Variants in GGA2 observed in about 807,000 individuals in gnomAD.
The protein encoded by GGA2 is golgi associated, gamma adaptin ear containing, ARF binding protein 2.
GGA2 carries 48 observed loss-of-function variants against 79.5 expected under a neutral mutation model. That is an observed-to-expected ratio of 0.60 (90% CI 0.48 to 0.77). The LOEUF is 0.77. Among genes scored for constraint, GGA2 ranks in the 30% least tolerant of loss-of-function variants. The pLI is 0.00. For synonymous variants in GGA2, 317 were observed against 302.0 expected, an observed-to-expected ratio of 1.05 and a Z score of -0.51; for missense variants, 770 against 774.0, an observed-to-expected ratio of 0.99 and a Z score of 0.06.
intron 4 of GGA2, 25 bp downstream of exon 4, chr16:23,493,335 A>C (rs1215865163): frequency 7.3e-7 from 1 of 1,367,470 alleles, no homozygotes; most frequent in Non-Finnish European, 1.0e-6. Flanking sequence ...CGACACAGTC[A>C]GCAGAGCCAA....
intron 13 of GGA2, among the ~76,000 whole-genome samples, chr16:23,475,999 G>A (rs1288360343): frequency 1.3e-5 from 2 of 152,018 alleles, no homozygotes; most frequent in East Asian, 3.9e-4. Context: ...ATAACCTAGA[G>A]CCTTTGTTAT....
chr16:23,483,561 T>C (rs1964675600), intron 8 of GGA2, among the ~76,000 whole-genome samples: 2 of 151,870 alleles, frequency 1.3e-5, no homozygotes, highest in Non-Finnish European at 2.9e-5. Context: ...CAGAAGGAGG[T>C]GGAGAACAGA....
chr16:23,464,345 G>A lies in GGA2; in HGVS notation c.*3245C>T, dbSNP rs1193101607. 1 of 152,154 alleles carries A rather than the reference G, an allele frequency of 6.6e-6. No homozygotes were observed. The highest frequency in any genetic ancestry group is 1.5e-5 in the Non-Finnish European group (1 of 68,024). 9.4% of individuals were successfully genotyped at this position (152,154 alleles called of 1,614,324 possible). A position where few individuals can be genotyped will look rare whatever the true frequency, so the allele number is the denominator to read the frequency against. ...TATCAGGGCTTGAAAGGACTTTATT[G>A]TGGCTGTGGTGAAGCAGGCCCTGGT... is the stretch of plus-strand genomic sequence containing the variant. On this transcript the variant is annotated 3_prime_UTR_variant, in exon 17 of 17. Coordinates refer to ENST00000309859, the MANE Select transcript of GGA2 (RefSeq NM_015044.4).
rs373744085 is a variant in GGA2, at chr16:23,481,511, G to T, written c.881-741C>A. On this transcript the variant is annotated intron_variant, in intron 9 of 16. Coordinates refer to ENST00000309859, the MANE Select transcript of GGA2 (RefSeq NM_015044.4). ...AAAAAGGCTGTGTGTGGTGGTTCAC[G>T]CCTGTAATCCCAGCACTTTGGGAAG... 4.7e-4 allele frequency among the ~76,000 whole-genome samples: 72 copies of T among 152,322 alleles called. No homozygotes were observed. The South Asian group carries it at 0.012, about 25-fold the overall frequency.
At chr16:23,469,317 G>A (rs1443571450) in intron 15 of GGA2, 2 of 262,810 alleles carry the variant, frequency 7.6e-6, no homozygotes, top group Non-Finnish European at 1.5e-5. Context: ...CTGTGACCTT[G>A]AGTAAAATAT....
At chr16:23,524,215 A>C, upstream of GGA2, 1 of 702,744 alleles carries the variant, frequency 1.4e-6, no homozygotes, top group Non-Finnish European at 2.5e-6. Context: ...CCTGTGGTGG[A>C]TCACAAATGC....
intron 8 of GGA2, 61 bp downstream of exon 8, chr16:23,485,954 G>A (rs1964706102): frequency 1.3e-6 from 2 of 1,500,520 alleles, no homozygotes; most frequent in East Asian, 4.5e-5. Flanking sequence ...GCAAACAGGT[G>A]AAAGCATTTC....
chr16:23,481,429 G>C (rs983495440), intron 9 of GGA2, among the ~76,000 whole-genome samples: 1 of 152,080 alleles, frequency 6.6e-6, no homozygotes, highest in African/African-American at 2.4e-5. Flanking sequence ...GGGATGCCAC[G>C]AGCAAAACTG....
chr16:23,516,331 G>C (rs968060482), intron 2 of GGA2, among the ~76,000 whole-genome samples: 1 of 152,028 alleles, frequency 6.6e-6, no homozygotes, highest in Admixed American at 6.6e-5. Context: ...TCTATAATTT[G>C]GTGAGGCACT....
At position 23,465,451 on chromosome 16, in the gene GGA2, C is replaced by T; in HGVS notation, c.*2139G>A. 1.4e-6 allele frequency: 1 copy of T among 702,174 alleles called. No individual in the cohort carries two copies. Among genetic ancestry groups the T allele is most frequent in the South Asian group, 1.5e-5 (1 of 67,468 alleles). The allele number at this position is 702,174 out of a possible 1,614,324, so 43.5% of individuals were successfully genotyped here. A position where few individuals can be genotyped will look rare whatever the true frequency, so the allele number is the denominator to read the frequency against. ...TGTCCAACACCTAAGCATAGTAGTACCACTGGGAGTCTGTCTCCTCAAAAG... is the reference window on the plus strand; with the variant it reads ...TGTCCAACACCTAAGCATAGTAGTATCACTGGGAGTCTGTCTCCTCAAAAG... On this transcript the variant is annotated 3_prime_UTR_variant, in exon 17 of 17. Coordinates refer to ENST00000309859, the MANE Select transcript of GGA2 (RefSeq NM_015044.4).
chr16:23,520,253 C>CAAAA (rs3071381), intron 1 of GGA2, among the ~76,000 whole-genome samples: 22 of 114,312 alleles, frequency 1.9e-4, no homozygotes, highest in Admixed American at 3.1e-4. Flanking sequence ...AACTACGTCT[C>CAAAA]AAAAAAAAAA....
chr16:23,514,634 T>C (rs1965093076), upstream of GGA2, among the ~76,000 whole-genome samples: 1 of 152,034 alleles, frequency 6.6e-6, no homozygotes, highest in Admixed American at 6.6e-5. Flanking sequence ...TTTAGTTTTG[T>C]AGAGATAAGG....
chr16:23,519,472 T>C (rs984148381), intron 2 of GGA2: 3 of 229,814 alleles, frequency 1.3e-5, no homozygotes, highest in Non-Finnish European at 1.9e-5. Context: ...CCACAGCTGA[T>C]TGGACCAGGG....
chr16:23,465,033 A>ACTGG lies in GGA2; in HGVS notation c.*2553_*2556dup, dbSNP rs1387933451. On this transcript the variant is annotated 3_prime_UTR_variant, in exon 17 of 17. Transcript: ENST00000309859. ...ACAGGACCCCCGAAGAGTTCAAGAT[A>ACTGG]CTGGAAAGCACTGGCCATGAGTGCC... The ACTGG allele has an allele frequency of 2.3e-6, 1 of 439,048 alleles. No homozygotes were observed. Among genetic ancestry groups the ACTGG allele is most frequent in the African/African-American group, 2.0e-5 (1 of 50,962 alleles). The allele number at this position is 439,048 out of a possible 1,614,324, so 27.2% of individuals were successfully genotyped here. A position where few individuals can be genotyped will look rare whatever the true frequency, so the allele number is the denominator to read the frequency against.
chr16:23,507,089 T>A (rs1723567150), intron 1 of GGA2, among the ~76,000 whole-genome samples: 1 of 151,996 alleles, frequency 6.6e-6, no homozygotes, highest in South Asian at 2.1e-4. Context: ...TCCCCCTCCT[T>A]CTACATTCAA....
At position 23,478,292 on chromosome 16, in the gene GGA2, C is replaced by T; in HGVS notation, c.1292+76G>A. 6 of 1,155,256 alleles carry T rather than the reference C, an allele frequency of 5.2e-6. 1 individual carries two copies. The South Asian group carries it at 8.3e-5, about 16-fold the overall frequency. 71.6% of individuals were successfully genotyped at this position (1,155,256 alleles called of 1,614,324 possible). ...CGAGAGGCTGTCTTAGAGCACCATT[C>T]TCTGGCCCTTGTCCCATGAGAAGGA... is the stretch of plus-strand genomic sequence containing the variant. On this transcript the variant is annotated intron_variant, in intron 13 of 16. Coordinates refer to ENST00000309859, the MANE Select transcript of GGA2 (RefSeq NM_015044.4).
At chr16:23,477,125 T>C (rs996936271) in intron 13 of GGA2, among the ~76,000 whole-genome samples, 4 of 152,100 alleles carry the variant, frequency 2.6e-5, no homozygotes, top group African/African-American at 9.7e-5. Context: ...CTAATTTTAG[T>C]ATTTTTTGTA....
chr16:23,482,807 A>G lies in GGA2; in HGVS notation c.880+116T>C, dbSNP rs1363692445. On this transcript the variant is annotated intron_variant, in intron 9 of 16. Coordinates refer to ENST00000309859, the MANE Select transcript of GGA2 (RefSeq NM_015044.4). ...TCAGGCCACACCCTCCCCAAGCCCAAGCTCCACGGAACCGAAAGTCCACTC... is the reference window on the plus strand; with the variant it reads ...TCAGGCCACACCCTCCCCAAGCCCAGGCTCCACGGAACCGAAAGTCCACTC... 16 of 717,760 alleles carry G rather than the reference A, an allele frequency of 2.2e-5. 1 individual carries two copies. In the Admixed American group the frequency reaches 3.2e-4, roughly 15 times the overall value. The allele number at this position is 717,760 out of a possible 1,614,324, so 44.5% of individuals were successfully genotyped here. A position where few individuals can be genotyped will look rare whatever the true frequency, so the allele number is the denominator to read the frequency against.
At chr16:23,482,426 C>T (rs1465295631) in intron 9 of GGA2, among the ~76,000 whole-genome samples, 3 of 152,144 alleles carry the variant, frequency 2.0e-5, no homozygotes, top group African/African-American at 7.2e-5. Context: ...TACTATTCCC[C>T]TCTCTCATGT....
Sources: allele counts gnomAD v4.1 joint callset (sites outside exome capture counted in the v4.1 genomes callset), GRCh38; gene constraint gnomAD v4.1.1; transcripts MANE v1.5; gene names NCBI Gene and HGNC (gene_info 2026-07-23, HGNC 2026-07-21).